The following ZSWIM9 variants were observed in gnomAD, a reference collection of about 807,000 sequenced individuals.
The protein encoded by ZSWIM9 is zinc finger SWIM-type containing 9.
In ZSWIM9, 11 loss-of-function variants were observed where a neutral mutation model predicts 25.0. That is an observed-to-expected ratio of 0.44 (90% confidence interval 0.28 to 0.73). The LOEUF is 0.73. ZSWIM9 is among the 30% of genes least tolerant of loss of function. The probability of loss-of-function intolerance (pLI) is 0.16; values close to 1 mark genes in which losing one functional copy is unlikely to be tolerated. For missense variants in ZSWIM9, 1,070 were observed against 1,296.5 expected, an observed-to-expected ratio of 0.83 and a Z score of 2.68; for synonymous variants, 562 against 582.1, an observed-to-expected ratio of 0.97 and a Z score of 0.50.
Position 48,195,974 on chromosome 19 carries a change from C to G in ZSWIM9, c.1910C>G (p.Ala637Gly). ...GGGGCGCAGCTGCACGATGAAAGGG[C>G]AGGGGGACTGAGAACTGCAGAATGG... ...WRGAQLHDER[A>G]GGLRTAEWKG... The change falls in exon 4 of 4, where the codon GCA (alanine) becomes GGA (glycine). Residue 637 changes from alanine to glycine, a missense_variant. Physicochemically the swap from Ala to Gly is moderately conservative, Grantham distance 60. Coordinates refer to ENST00000614654, the MANE Select transcript of ZSWIM9 (RefSeq NM_199341.4). The surrounding 1 kb of genome is among the most constrained non-coding windows in gnomAD (Gnocchi z 5.8). 7.7e-7 allele frequency: 1 copy of G among 1,304,986 alleles called. No individual in the cohort carries two copies. The highest frequency in any genetic ancestry group is 9.7e-7 in the Non-Finnish European group (1 of 1,030,438). 80.8% of individuals were successfully genotyped at this position (1,304,986 alleles called of 1,614,324 possible). A position where few individuals can be genotyped will look rare whatever the true frequency, so the allele number is the denominator to read the frequency against.
rs2036826044 is a variant in ZSWIM9 at position 48,171,914 on chromosome 19, T to TGCCAGCAGC, written c.114_122dup (p.Gln39_Arg41dup). On this transcript the variant is annotated inframe_insertion, in exon 2 of 4. Transcript: ENST00000614654. The stretch of plus-strand genomic sequence containing the variant: ...GTTCAGCCGCTTCTTCGACGCGTGG[T>TGCCAGCAGC]GCCAGCAGCGGCTGGCGCTCTTCTT... The TGCCAGCAGC allele has an allele frequency of 6.5e-7, 1 of 1,535,722 alleles. No homozygotes were observed. The highest frequency in any genetic ancestry group is 2.0e-5 in the Admixed American group (1 of 50,980).
At position 48,194,744 on chromosome 19, in the gene ZSWIM9, G is replaced by A. The variant is rs1433435392; in HGVS notation, c.680G>A (p.Arg227His). 1 of 1,533,506 alleles carries A rather than the reference G, an allele frequency of 6.5e-7. No individual in the cohort carries two copies. The highest frequency in any genetic ancestry group is 8.7e-7 in the Non-Finnish European group (1 of 1,145,648). The allele number at this position is 1,533,506 out of a possible 1,614,324, so 95.0% of individuals were successfully genotyped here. Residue 227 changes from arginine to histidine, a missense_variant, in exon 4 of 4, where the codon CGC (arginine) becomes CAC (histidine). Physicochemically the swap from Arg to His is conservative, Grantham distance 29. Around this residue, in one of 4 missense-constraint regions of ZSWIM9, gnomAD observed 38 missense variants for 89.7 expected, o/e 0.42. Transcript: ENST00000614654. The surrounding 1 kb of genome is among the most constrained non-coding windows in gnomAD (Gnocchi z 6.0). ...RTRALLRRFPRMLLVDRLPGL... is the reference protein window; with the variant it reads ...RTRALLRRFPHMLLVDRLPGL... ...AGGGCGCTGCTGCGGCGCTTCCCTC[G>A]CATGCTGCTGGTGGACCGGCTGCCG... is the stretch of plus-strand genomic sequence containing the variant.
intron 2 of ZSWIM9, among the ~76,000 whole-genome samples, chr19:48,178,727 C>T (rs1213006446): frequency 6.6e-6 from 1 of 152,138 alleles, no homozygotes; most frequent in Admixed American, 6.6e-5. Flanking sequence ...GGGCGTGTGC[C>T]ACCGCACCTG....
Position 48,196,407 on chromosome 19 carries a change from G to A in ZSWIM9, c.2343G>A (p.Trp781Ter). The change falls in exon 4 of 4, where the codon TGG becomes TGA. Residue 781 changes from tryptophan to a stop codon, truncating the protein, a stop_gained. Transcript: ENST00000614654. LOFTEE classifies it high-confidence loss of function. ...CTGTATTGGAAGGCAGCCCAGAATG[G>A]GCAGCGGCGAGGAGTGAACACCTGG... Reference protein sequence around the residue: ...VGTVLEGSPEWAAARSEHLAA... With the variant: ...VGTVLEGSPE The A allele has an allele frequency of 8.1e-7, 1 of 1,232,450 alleles. No individual in the cohort carries two copies. Among genetic ancestry groups the A allele is most frequent in the Non-Finnish European group, 1.0e-6 (1 of 988,244 alleles). The allele number at this position is 1,232,450 out of a possible 1,614,324, so 76.3% of individuals were successfully genotyped here.
At chr19:48,175,707 T>C (rs2036885696) in intron 2 of ZSWIM9, among the ~76,000 whole-genome samples, 1 of 152,006 alleles carries the variant, frequency 6.6e-6, no homozygotes, top group Non-Finnish European at 1.5e-5. Flanking sequence ...ACAAGAACTT[T>C]CTTCCTGTCC....
chr19:48,173,926 T>A (rs1487958857), intron 2 of ZSWIM9, among the ~76,000 whole-genome samples: 1 of 152,128 alleles, frequency 6.6e-6, no homozygotes, highest in South Asian at 2.1e-4. Flanking sequence ...CGGTGCCTGG[T>A]CTGACCCCAG....
At chr19:48,187,074 C>T (rs934088553) in intron 3 of ZSWIM9, among the ~76,000 whole-genome samples, 5 of 151,594 alleles carry the variant, frequency 3.3e-5, no homozygotes, top group African/African-American at 1.2e-4. Context: ...ACTTTGCTAC[C>T]GGTTCTCAGC....
At chr19:48,173,454 A>C (rs2036861002) in intron 2 of ZSWIM9, among the ~76,000 whole-genome samples, 2 of 151,938 alleles carry the variant, frequency 1.3e-5, no homozygotes, top group African/African-American at 4.8e-5. Flanking sequence ...GTGTGCCACT[A>C]TGCCCACCTA....
At chr19:48,189,018 G>A (rs530429354) in intron 3 of ZSWIM9, among the ~76,000 whole-genome samples, 5 of 152,038 alleles carry the variant, frequency 3.3e-5, no homozygotes, top group South Asian at 2.1e-4. Context: ...GTGACAGAGC[G>A]AGACTCCATC....
rs949477263 is a variant in ZSWIM9, at chr19:48,195,384, G to C, written c.1320G>C (p.Gly440=). Residue 440 remains glycine, a synonymous_variant, in exon 4 of 4, where the codon GGG becomes GGC. Coordinates refer to ENST00000614654, the MANE Select transcript of ZSWIM9 (RefSeq NM_199341.4). The surrounding 1 kb of genome is among the most constrained non-coding windows in gnomAD (Gnocchi z 5.8). ...LVAMQWADAA[G]EAVPEGPDGG... Reference sequence around the variant, plus strand: ...CCATGCAGTGGGCCGACGCGGCCGGGGAGGCGGTGCCCGAGGGGCCCGATG... The same window carrying C: ...CCATGCAGTGGGCCGACGCGGCCGGCGAGGCGGTGCCCGAGGGGCCCGATG... 1 of 1,494,796 alleles carries C rather than the reference G, an allele frequency of 6.7e-7. No homozygotes were observed. Among genetic ancestry groups the C allele is most frequent in the African/African-American group, 1.4e-5 (1 of 70,304 alleles). 92.6% of individuals were successfully genotyped at this position (1,494,796 alleles called of 1,614,324 possible).
chr19:48,179,108 T>C (rs1201360324), intron 2 of ZSWIM9, among the ~76,000 whole-genome samples: 12 of 152,180 alleles, frequency 7.9e-5, no homozygotes, highest in Admixed American at 6.5e-4. Context: ...CAGATGCCAA[T>C]TTAAATATTA....
At position 48,196,762 on chromosome 19, in the gene ZSWIM9, A is replaced by G. The variant is rs977733550; in HGVS notation, c.2698A>G (p.Thr900Ala). The change falls in exon 4 of 4, where the codon ACT becomes GCT. Residue 900 changes from threonine to alanine, a missense_variant. Around this residue, in one of 4 missense-constraint regions of ZSWIM9, gnomAD observed 583 missense variants for 624.7 expected, o/e 0.93. Transcript: ENST00000614654. ...CRHLFAARLL[T>A]GAALFHMDLL... Reference sequence around the variant, plus strand: ...ACACCTCTTTGCAGCGCGCCTCCTCACTGGGGCTGCCTTATTCCACATGGA... The same window carrying G: ...ACACCTCTTTGCAGCGCGCCTCCTCGCTGGGGCTGCCTTATTCCACATGGA... The G allele has an allele frequency of 8.1e-7, 1 of 1,233,536 alleles. No homozygotes were observed. The highest frequency in any genetic ancestry group is 1.0e-6 in the Non-Finnish European group (1 of 989,000). The allele number at this position is 1,233,536 out of a possible 1,614,324, so 76.4% of individuals were successfully genotyped here.
rs1198391261 is a variant in ZSWIM9, at chr19:48,182,636, A to G, written c.457A>G (p.Lys153Glu). Residue 153 changes from lysine to glutamate, a missense_variant, in exon 3 of 4, where the codon AAG becomes GAG. By Grantham distance (56) the Lys-to-Glu change is moderately conservative. This residue lies in a region of ZSWIM9 where 265 missense variants were observed against 339.0 expected (regional missense o/e 0.78). Coordinates refer to ENST00000614654, the MANE Select transcript of ZSWIM9 (RefSeq NM_199341.4). This position sits in a 1 kb window ranked among gnomAD's most constrained non-coding sequence, Gnocchi z 4.6. ...NACLPVRTTN[K>E]ISKQFVAPAD... Reference sequence around the variant, plus strand: ...CTGCCTGCCGGTGCGCACCACCAACAAGATCTCCAAGCAGTTCGTGGCCCC... The same window carrying G: ...CTGCCTGCCGGTGCGCACCACCAACGAGATCTCCAAGCAGTTCGTGGCCCC... 6.5e-7 allele frequency: 1 copy of G among 1,535,672 alleles called. No homozygotes were observed. The highest frequency in any genetic ancestry group is 2.0e-5 in the Admixed American group (1 of 50,988).
At chr19:48,186,920 AACCCCCAGTC>A (rs1400101910) in intron 3 of ZSWIM9, among the ~76,000 whole-genome samples, 7 of 152,110 alleles carry the variant, frequency 4.6e-5, no homozygotes, top group Non-Finnish European at 4.4e-5. Flanking sequence ...CTACAGAATA[AACCCCCAGTC>A]ACTGGGGGTG....
chr19:48,186,030 A>G (rs929268519), intron 3 of ZSWIM9, among the ~76,000 whole-genome samples: 1 of 152,150 alleles, frequency 6.6e-6, no homozygotes. Flanking sequence ...GTACTGTCCA[A>G]TCCAGAGGCC....
At chr19:48,175,766 C>T (rs55893058) in intron 2 of ZSWIM9, among the ~76,000 whole-genome samples, 4,568 of 152,248 alleles carry the variant, frequency 0.03, 107 homozygotes, top group Non-Finnish European at 0.048. Flanking sequence ...TTGAAGTCAC[C>T]ACTGCTGCAG....
chr19:48,170,797 C>T (rs947567083), intron 1 of ZSWIM9, 83 bp downstream of exon 1: 2 of 97,940 alleles, frequency 2.0e-5, no homozygotes, highest in Non-Finnish European at 4.0e-5. Flanking sequence ...TGGAAGGTGC[C>T]GCAGCGGGCG....
intron 2 of ZSWIM9, among the ~76,000 whole-genome samples, chr19:48,174,438 C>T (rs948419643): frequency 3.9e-5 from 6 of 152,086 alleles, no homozygotes; most frequent in Non-Finnish European, 7.4e-5. Flanking sequence ...TTACAGGATT[C>T]GAGAGCATGG....
At chr19:48,186,663 T>TAGGC in intron 3 of ZSWIM9, 1 of 155,002 alleles carries the variant, frequency 6.5e-6, no homozygotes, top group East Asian at 1.9e-4. Context: ...CCATCTTTCG[T>TAGGC]TCTTCCTCTG....
Sources: allele counts gnomAD v4.1 joint callset (sites outside exome capture counted in the v4.1 genomes callset), GRCh38; gene constraint gnomAD v4.1.1; regional missense constraint gnomAD v4.1.1; non-coding constraint Gnocchi (gnomAD v3.1); transcripts MANE v1.5; gene names NCBI Gene and HGNC (gene_info 2026-07-23, HGNC 2026-07-21).